The following ARHGEF4 variants were observed in gnomAD, a reference collection of about 807,000 sequenced individuals.
The protein encoded by ARHGEF4 is APC-stimulated guanine nucleotide exchange factor 1.
In ARHGEF4, 119 loss-of-function variants were observed where a neutral mutation model predicts 162.0. The ratio of observed to expected loss-of-function variants is 0.73; its 90% CI spans 0.63 to 0.86. ARHGEF4 has a LOEUF of 0.86. Among genes scored for constraint, ARHGEF4 ranks in the 40% least tolerant of loss-of-function variants. The pLI is 0.00. For synonymous variants in ARHGEF4, 1,014 were observed against 979.9 expected, an observed-to-expected ratio of 1.03 and a Z score of -0.65; for missense variants, 2,488 against 2,456.0, an observed-to-expected ratio of 1.01 and a Z score of -0.28.
chr2:131,037,402 C>T (rs1248864663), intron 5 of ARHGEF4, among the ~76,000 whole-genome samples: 1 of 152,070 alleles, frequency 6.6e-6, no homozygotes, highest in African/African-American at 2.4e-5. Flanking sequence ...ACAGGACTGG[C>T]CCCACTCTTG....
chr2:130,925,778 T>C (rs1291990758), intron 2 of ARHGEF4, among the ~76,000 whole-genome samples: 1 of 152,198 alleles, frequency 6.6e-6, no homozygotes, highest in Non-Finnish European at 1.5e-5. Flanking sequence ...AGAAGTTTGC[T>C]TATGTTTCTT....
At chr2:130,837,274 C>T (rs1307402941) in intron 1 of ARHGEF4, among the ~76,000 whole-genome samples, 1 of 152,072 alleles carries the variant, frequency 6.6e-6, no homozygotes, top group African/African-American at 2.4e-5. Context: ...AGGGCGAGCG[C>T]CTGAGCCGGC....
intron 4 of ARHGEF4, among the ~76,000 whole-genome samples, chr2:130,979,334 T>G (rs1685956919): frequency 6.6e-6 from 1 of 152,232 alleles, no homozygotes; most frequent in Non-Finnish European, 1.5e-5. Context: ...CAATGCTTCC[T>G]GCATAGTTCT....
chr2:131,032,513 GGACA>G (rs1166880771), intron 5 of ARHGEF4, among the ~76,000 whole-genome samples: 1 of 152,004 alleles, frequency 6.6e-6, no homozygotes, highest in Non-Finnish European at 1.5e-5. Context: ...TCATTAGGCT[GGACA>G]GCAAGCTGGG....
intron 4 of ARHGEF4, among the ~76,000 whole-genome samples, chr2:130,992,155 C>T (rs72614456): frequency 0.024 from 3,644 of 152,156 alleles, 149 homozygotes; most frequent in East Asian, 0.2. Flanking sequence ...TTGTATCTAG[C>T]TCAGGGATTG....
intron 1 of ARHGEF4, among the ~76,000 whole-genome samples, chr2:130,847,482 C>T (rs927211321): frequency 6.6e-5 from 10 of 152,206 alleles, no homozygotes; most frequent in Non-Finnish European, 1.3e-4. Context: ...ATCCCTCAGT[C>T]TTCATATCTG....
In ARHGEF4 at chr2:131,010,737, G is replaced by A. The variant is rs186092089; in HGVS notation, c.3986-17208G>A. Among the ~76,000 whole-genome samples the A allele has an allele frequency of 1.1e-4, 16 of 152,334 alleles. No homozygotes were observed. The East Asian group carries it at 2.5e-3, about 24-fold the overall frequency. ...AGAGAGAAGAAACGAAGTTAGGTGGGCAGCAAGCTTTGATGCTGTGGGTGA... is the reference window on the plus strand; with the variant it reads ...AGAGAGAAGAAACGAAGTTAGGTGGACAGCAAGCTTTGATGCTGTGGGTGA... On this transcript the variant is annotated intron_variant, in intron 4 of 13. Transcript: ENST00000409359.
intron 1 of ARHGEF4, among the ~76,000 whole-genome samples, chr2:130,890,685 A>G (rs915884950): frequency 6.6e-6 from 1 of 152,004 alleles, no homozygotes; most frequent in Non-Finnish European, 1.5e-5. Flanking sequence ...AAAGCTATCT[A>G]TTGAGTTTCT....
At chr2:130,931,885 C>G (rs1682654242) in intron 3 of ARHGEF4, among the ~76,000 whole-genome samples, 1 of 152,122 alleles carries the variant, frequency 6.6e-6, no homozygotes, top group Non-Finnish European at 1.5e-5. Flanking sequence ...TGAGTCTCAC[C>G]TCATCCTTGA....
intron 1 of ARHGEF4, among the ~76,000 whole-genome samples, chr2:130,868,413 C>T (rs1682454330): frequency 6.6e-6 from 1 of 151,240 alleles, no homozygotes; most frequent in Non-Finnish European, 1.5e-5. Context: ...GAGAACACTT[C>T]CCAGGGAAGC....
intron 4 of ARHGEF4, among the ~76,000 whole-genome samples, chr2:130,960,532 TAAC>T (rs1684566639): frequency 6.6e-6 from 1 of 152,146 alleles, no homozygotes; most frequent in Non-Finnish European, 1.5e-5. Context: ...GAAAATCACC[TAAC>T]AACACATTTC....
In ARHGEF4 at chr2:131,043,512, A is replaced by G. The variant is rs781268504; in HGVS notation, c.5086A>G (p.Thr1696Ala). The change falls in exon 11 of 14, where the codon ACA (threonine) becomes GCA (alanine). Residue 1696 changes from threonine (T) to alanine (A), a missense_variant. By Grantham distance (58) the Thr-to-Ala change is moderately conservative. Transcript: ENST00000409359. ...CTACTCGGGGGAGCTGACTCGAGTT[A>G]CACAGCCTCAAGCCAAAAGCCAGCA... ...LIYSGELTRVTQPQAKSQQRM... is the reference protein window; with the variant it reads ...LIYSGELTRVAQPQAKSQQRM... 4 of 1,613,946 alleles carry G rather than the reference A, an allele frequency of 2.5e-6. No homozygotes were observed.
At chr2:130,956,143 T>C (rs2105175223) in intron 4 of ARHGEF4, among the ~76,000 whole-genome samples, 1 of 152,262 alleles carries the variant, frequency 6.6e-6, no homozygotes, top group Admixed American at 6.5e-5. Context: ...CTGCCCCTAC[T>C]GGGGGGTACC....
At chr2:130,913,067 G>C (rs899715625) in intron 1 of ARHGEF4, among the ~76,000 whole-genome samples, 1 of 152,140 alleles carries the variant, frequency 6.6e-6, no homozygotes, top group Admixed American at 6.5e-5. Context: ...CGGTACTGGG[G>C]GGGAGTGGTT....
chr2:130,905,509 C>T (rs10195855), intron 1 of ARHGEF4, among the ~76,000 whole-genome samples: 110,281 of 152,018 alleles, frequency 0.73, 40,309 homozygotes, highest in East Asian at 0.96. Context: ...TCTATTTCCC[C>T]CAGTTTTTCA....
In ARHGEF4 at chr2:130,911,099, C is replaced by T. The variant is rs556442660; in HGVS notation, c.40-2887C>T. ...TAGCTCCACTGAAGGTTTCGGCCAACGTCGGGGCAGCGGGCAGGGAAGCGG... is the reference window on the plus strand; with the variant it reads ...TAGCTCCACTGAAGGTTTCGGCCAATGTCGGGGCAGCGGGCAGGGAAGCGG... On this transcript the variant is annotated intron_variant, in intron 1 of 13. Transcript: ENST00000409359. 4.6e-5 allele frequency among the ~76,000 whole-genome samples: 7 copies of T among 152,252 alleles called. No individual in the cohort carries two copies. In the East Asian group the frequency reaches 5.8e-4, roughly 13 times the overall value.
chr2:130,941,424 A>C (rs1177075891), intron 3 of ARHGEF4, among the ~76,000 whole-genome samples: 1 of 151,872 alleles, frequency 6.6e-6, no homozygotes, highest in African/African-American at 2.4e-5. Context: ...GGCTGGTCTC[A>C]AACTCCTGAG....
At chr2:130,935,191 G>A (rs1213560091) in intron 3 of ARHGEF4, among the ~76,000 whole-genome samples, 2 of 151,060 alleles carry the variant, frequency 1.3e-5, no homozygotes, top group Non-Finnish European at 3.0e-5. Flanking sequence ...TAGAGACTGA[G>A]TTATGGGACT....
At chr2:131,030,495 C>T (rs144183680) in intron 5 of ARHGEF4, among the ~76,000 whole-genome samples, 12 of 152,304 alleles carry the variant, frequency 7.9e-5, no homozygotes, top group Non-Finnish European at 1.5e-4. Flanking sequence ...ACGTTTAGGG[C>T]GCGTGTCCCC....
Sources: allele counts gnomAD v4.1 joint callset (sites outside exome capture counted in the v4.1 genomes callset), GRCh38; gene constraint gnomAD v4.1.1; transcripts MANE v1.5; gene names NCBI Gene and HGNC (gene_info 2026-07-23, HGNC 2026-07-21).